The following PTPRD variants were observed in gnomAD, a reference collection of about 807,000 sequenced individuals.
The protein encoded by PTPRD is receptor-type tyrosine-protein phosphatase delta.
PTPRD carries 34 observed loss-of-function variants against 214.5 expected under a neutral mutation model. The observed-to-expected ratio is 0.16, with a 90% CI of 0.12 to 0.21. The LOEUF (loss-of-function observed/expected upper bound fraction) is 0.21, where lower values mean the gene tolerates loss of function less well. PTPRD is among the 10% of genes least tolerant of loss of function. The probability of loss-of-function intolerance (pLI) is 1.00; values close to 1 mark genes in which losing one functional copy is unlikely to be tolerated. For missense variants in PTPRD, 2,545 were observed against 2,398.7 expected (o/e 1.06, Z -1.27); for synonymous variants, 1,128 against 845.7 (o/e 1.33, Z -5.79).
intron 11 of PTPRD, among the ~76,000 whole-genome samples, chr9:8,754,675 T>C (rs1222173710): frequency 1.3e-5 from 2 of 152,230 alleles, no homozygotes; most frequent in Admixed American, 6.5e-5. Context: ...CTTTGTAGCC[T>C]TTCTCAAAGC....
intron 11 of PTPRD, among the ~76,000 whole-genome samples, chr9:8,918,124 C>A (rs547297243): frequency 6.6e-6 from 1 of 152,262 alleles, no homozygotes; most frequent in South Asian, 2.1e-4. Flanking sequence ...GCTCGAGCAG[C>A]CAGACAGCCC....
intron 2 of PTPRD, among the ~76,000 whole-genome samples, chr9:10,510,677 T>C (rs1233512931): frequency 6.6e-6 from 1 of 152,182 alleles, no homozygotes; most frequent in Non-Finnish European, 1.5e-5. Context: ...GGGATGTCCA[T>C]CATTTTAAAC....
intron 7 of PTPRD, among the ~76,000 whole-genome samples, chr9:9,671,433 T>C (rs2096830369): frequency 7.1e-6 from 1 of 140,014 alleles, no homozygotes; most frequent in Non-Finnish European, 1.7e-5. Flanking sequence ...TTTAGGTTAA[T>C]GCTGAAATGA....
intron 7 of PTPRD, among the ~76,000 whole-genome samples, chr9:9,672,342 A>C (rs1248848749): frequency 6.6e-6 from 1 of 152,142 alleles, no homozygotes; most frequent in Non-Finnish European, 1.5e-5. Context: ...TATATAGCAG[A>C]ATGGCTATAA....
intron 3 of PTPRD, among the ~76,000 whole-genome samples, chr9:10,052,552 G>A (rs1377352128): frequency 1.3e-5 from 2 of 152,056 alleles, no homozygotes; most frequent in African/African-American, 2.4e-5. Flanking sequence ...TTGTAAAACT[G>A]GGTATTTTTC....
rs193147619 is a variant in PTPRD at position 8,485,750 on chromosome 9, G to C, written c.3055+12C>G. 1.2e-6 allele frequency: 2 copies of C among 1,600,280 alleles called. No homozygotes were observed. Among genetic ancestry groups the C allele is most frequent in the East Asian group, 2.2e-5 (1 of 44,724 alleles). On this transcript the variant is annotated intron_variant, in intron 28 of 45. Transcript: ENST00000381196. ...CTTTAAAGGAGGAAGGCCGTAAGCA[G>C]ACAAATCCTACCTTGATCCACAGGC...
intron 25 of PTPRD, 132 bp from the exon 26 acceptor site, chr9:8,497,400 C>T (rs2097300674): frequency 1.5e-6 from 1 of 649,524 alleles, no homozygotes; most frequent in Non-Finnish European, 2.4e-6. Context: ...AATAAAATTC[C>T]AAAGAATGTG....
chr9:8,602,179 G>A (rs758272739), intron 14 of PTPRD, among the ~76,000 whole-genome samples: 20 of 152,142 alleles, frequency 1.3e-4, no homozygotes, highest in Admixed American at 6.5e-5. Context: ...TTCTATAAAC[G>A]ACCTTAGCAT....
chr9:8,318,114 A>G (rs1196412224), intron 45 of PTPRD, among the ~76,000 whole-genome samples, 172 bp from the exon 46 acceptor site: 2 of 152,030 alleles, frequency 1.3e-5, no homozygotes, highest in East Asian at 1.9e-4. Flanking sequence ...ACAAAGAAAA[A>G]GCCACATGGG....
At chr9:8,412,562 C>T (rs922429630) in intron 35 of PTPRD, among the ~76,000 whole-genome samples, 3 of 152,066 alleles carry the variant, frequency 2.0e-5, no homozygotes, top group Non-Finnish European at 2.9e-5. Context: ...AAGTATTAAG[C>T]GAAAAGTACC....
chr9:9,666,000 G>GAAAT lies in PTPRD; in HGVS notation c.-287+68529_-287+68532dup, dbSNP rs538490210. Among the ~76,000 whole-genome samples the GAAAT allele has an allele frequency of 2.8e-3, 423 of 151,968 alleles. 2 individuals carry two copies. Among genetic ancestry groups the GAAAT allele is most frequent in the African/African-American group, 9.6e-3 (399 of 41,548 alleles). ...TGAAAGTCCTTTATCTTTCCAGTTT[G>GAAAT]AAATAAGTGTTCTGCATACAAAAAT... On this transcript the variant is annotated intron_variant, in intron 7 of 45. Coordinates refer to ENST00000381196, the MANE Select transcript of PTPRD (RefSeq NM_002839.4).
At chr9:8,563,609 G>T (rs954929958) in intron 14 of PTPRD, among the ~76,000 whole-genome samples, 1 of 151,626 alleles carries the variant, frequency 6.6e-6, no homozygotes, top group Admixed American at 6.6e-5. Flanking sequence ...GCTAATTTTT[G>T]TATTTTTAGT....
chr9:8,713,394 C>G, intron 12 of PTPRD: 1 of 1,084,936 alleles, frequency 9.2e-7, no homozygotes, highest in Non-Finnish European at 1.4e-6. Context: ...CGCCCCTCTA[C>G]CGCATGCGAA....
chr9:8,481,391 G>C (rs962785623), intron 30 of PTPRD, among the ~76,000 whole-genome samples: 1 of 152,006 alleles, frequency 6.6e-6, no homozygotes, highest in Admixed American at 6.6e-5. Flanking sequence ...GTTGTTTTAG[G>C]ATGTGTATCA....
chr9:9,609,965 G>A (rs1240421964), intron 7 of PTPRD, among the ~76,000 whole-genome samples: 2 of 152,006 alleles, frequency 1.3e-5, no homozygotes, highest in Non-Finnish European at 1.5e-5. Flanking sequence ...GAATATCGGC[G>A]GCCCCTTCTA....
At chr9:9,679,605 T>C (rs935021969) in intron 7 of PTPRD, among the ~76,000 whole-genome samples, 1 of 151,870 alleles carries the variant, frequency 6.6e-6, no homozygotes, top group Non-Finnish European at 1.5e-5. Context: ...AAATATCAAC[T>C]GTGGGAACTT....
At chr9:9,496,951 T>A (rs773121248) in intron 8 of PTPRD, among the ~76,000 whole-genome samples, 1 of 152,268 alleles carries the variant, frequency 6.6e-6, no homozygotes, top group East Asian at 1.9e-4. Flanking sequence ...TGCTACAACA[T>A]GGATTTTGAG....
intron 10 of PTPRD, among the ~76,000 whole-genome samples, chr9:9,096,003 A>G (rs969076042): frequency 3.9e-5 from 6 of 152,222 alleles, no homozygotes; most frequent in African/African-American, 1.2e-4. Context: ...CCAGACTCAG[A>G]AAGAAAATAT....
At chr9:10,332,079 A>G (rs1262254209) in intron 3 of PTPRD, among the ~76,000 whole-genome samples, 2 of 151,830 alleles carry the variant, frequency 1.3e-5, no homozygotes, top group South Asian at 2.1e-4. Flanking sequence ...TTACATTTAA[A>G]TTGTTTTAAA....
Sources: gnomAD v4.1 joint callset for allele counts (sites outside exome capture counted in the v4.1 genomes callset) on GRCh38, gnomAD v4.1.1 for gene constraint, MANE v1.5 for transcripts, NCBI Gene and HGNC (gene_info 2026-07-23, HGNC 2026-07-21) for gene names.